The following SCAF8 variants were observed in gnomAD, a reference collection of about 807,000 sequenced individuals.
The protein encoded by SCAF8 is SR-related and CTD-associated factor 8.
Under a neutral mutation model 140.5 loss-of-function variants are expected in SCAF8, and 23 were observed. The observed-to-expected ratio is 0.16, with a 90% CI of 0.12 to 0.23. The LOEUF (loss-of-function observed/expected upper bound fraction) is 0.23, where lower values mean the gene tolerates loss of function less well. Ranked by LOEUF, SCAF8 falls within the 10% of genes least tolerant of loss-of-function variation. The probability of loss-of-function intolerance (pLI) is 1.00; values close to 1 mark genes in which losing one functional copy is unlikely to be tolerated. For synonymous variants in SCAF8, 575 were observed against 528.9 expected (o/e 1.09, Z -1.20); for missense variants, 1,397 against 1,555.7 (o/e 0.90, Z 1.72).
At chr6:154,819,287 A>G (rs1778346577) in intron 14 of SCAF8, among the ~76,000 whole-genome samples, 1 of 152,224 alleles carries the variant, frequency 6.6e-6, no homozygotes, top group East Asian at 1.9e-4. Context: ...GGAATAAAAG[A>G]TTTTTTCTAA....
intron 1 of SCAF8, chr6:154,742,049 C>T (rs1428751302): frequency 6.9e-7 from 1 of 1,448,304 alleles, no homozygotes; most frequent in Admixed American, 2.0e-5. Flanking sequence ...ATAAGGCAGG[C>T]CCTTTGGAAT....
intron 6 of SCAF8, among the ~76,000 whole-genome samples, chr6:154,796,566 G>C (rs1285810187): frequency 2.0e-5 from 3 of 152,086 alleles, no homozygotes; most frequent in Non-Finnish European, 4.4e-5. Flanking sequence ...TTTCAAATTA[G>C]GATTATTGCT....
At chr6:154,795,217 C>A in intron 6 of SCAF8, 78 bp downstream of exon 6, 1 of 1,226,874 alleles carries the variant, frequency 8.2e-7, no homozygotes. Flanking sequence ...AACATACCAC[C>A]TAGAGAATAT....
intron 1 of SCAF8, among the ~76,000 whole-genome samples, chr6:154,772,862 C>T (rs572597153): frequency 3.0e-4 from 45 of 152,202 alleles, no homozygotes; most frequent in African/African-American, 1.0e-3. Flanking sequence ...TGGGTTCAAG[C>T]AGTTCTCCTG....
chr6:154,789,118 A>G (rs911638387), intron 4 of SCAF8, among the ~76,000 whole-genome samples: 2 of 152,048 alleles, frequency 1.3e-5, no homozygotes, highest in South Asian at 4.1e-4. Context: ...AAATTTATTT[A>G]TTTTTTTGAG....
intron 6 of SCAF8, among the ~76,000 whole-genome samples, chr6:154,797,912 T>C (rs1389975325): frequency 1.3e-5 from 2 of 151,512 alleles, no homozygotes; most frequent in Non-Finnish European, 2.9e-5. Context: ...CCTTTTACTT[T>C]ATCATCTACT....
At chr6:154,736,668 C>T (rs1024908436) in intron 1 of SCAF8, among the ~76,000 whole-genome samples, 2 of 152,070 alleles carry the variant, frequency 1.3e-5, no homozygotes, top group South Asian at 2.1e-4. Context: ...ATGTTAATTC[C>T]AGTTTTTCGT....
At chr6:154,807,012 A>G (rs774661329) in intron 9 of SCAF8, among the ~76,000 whole-genome samples, 4 of 152,208 alleles carry the variant, frequency 2.6e-5, no homozygotes, top group Non-Finnish European at 4.4e-5. Flanking sequence ...TATCCAAACA[A>G]CAGATTTGTT....
At chr6:154,736,119 C>T (rs1778410862) in intron 1 of SCAF8, among the ~76,000 whole-genome samples, 1 of 152,042 alleles carries the variant, frequency 6.6e-6, no homozygotes. Flanking sequence ...GCCACCACGC[C>T]TGGGGGATTT....
chr6:154,764,439 C>T (rs745924590), intron 1 of SCAF8, among the ~76,000 whole-genome samples: 3 of 152,048 alleles, frequency 2.0e-5, no homozygotes, highest in Non-Finnish European at 2.9e-5. Flanking sequence ...TAAAGGGTTT[C>T]GTCATTTGAC....
chr6:154,823,604 T>TA (rs1778482353), intron 16 of SCAF8, among the ~76,000 whole-genome samples: 1 of 152,214 alleles, frequency 6.6e-6, no homozygotes, highest in Non-Finnish European at 1.5e-5. Context: ...ATTGGAAAGA[T>TA]AGAGTTACCA....
At chr6:154,751,343 C>T in intron 1 of SCAF8, among the ~76,000 whole-genome samples, 1 of 151,986 alleles carries the variant, frequency 6.6e-6, no homozygotes, top group Non-Finnish European at 1.5e-5. Context: ...ATTGTTCTGC[C>T]TCAAACTCCC....
chr6:154,832,255 T>A lies in SCAF8; in HGVS notation c.2676T>A (p.Asn892Lys). ...LVGVQPPNVPNTPGLLGTQPP... is the reference protein window; with the variant it reads ...LVGVQPPNVPKTPGLLGTQPP... ...GAGTACAGCCACCAAATGTTCCAAA[T>A]ACTCCTGGACTTCTGGGAACACAGC... Residue 892 changes from asparagine to lysine, a missense_variant, in exon 20 of 20, where the codon AAT (asparagine) becomes AAA (lysine). By Grantham distance (94) the Asn-to-Lys change is moderately conservative (BLOSUM62 0). Coordinates refer to ENST00000367178, the MANE Select transcript of SCAF8 (RefSeq NM_014892.5). 1 of 1,614,140 alleles carries A rather than the reference T, an allele frequency of 6.2e-7. No homozygotes were observed. Among genetic ancestry groups the A allele is most frequent in the Non-Finnish European group, 8.5e-7 (1 of 1,180,000 alleles).
In SCAF8 at chr6:154,833,289, A is replaced by G; in HGVS notation, c.3710A>G (p.Tyr1237Cys). The G allele has an allele frequency of 6.2e-7, 1 of 1,614,048 alleles. No individual in the cohort carries two copies. The highest frequency in any genetic ancestry group is 8.5e-7 in the Non-Finnish European group (1 of 1,179,986). The change falls in exon 20 of 20, where the codon TAT becomes TGT. Residue 1237 changes from tyrosine (Y) to cysteine (C), a missense_variant. By Grantham distance (194) the Tyr-to-Cys change is radical. Transcript: ENST00000367178. ...CCAGTACAGAATGATCCTGAACTTT[A>G]TGAAAAACTGACATCTTCAAATGAA... is the stretch of plus-strand genomic sequence containing the variant. ...PIPVQNDPEL[Y>C]EKLTSSNEIN...
At position 154,815,738 on chromosome 6, in the gene SCAF8, T is replaced by C; in HGVS notation, c.1443T>C (p.Val481=). The part of the protein sequence containing the change: ...TLSVCSTTLW[V]GQVDKKATQQ... ...CAGTATGTAGTACTACTCTCTGGGTTGGGCAAGTGGACAAGAAGGCAACAC... is the reference window on the plus strand; with the variant it reads ...CAGTATGTAGTACTACTCTCTGGGTCGGGCAAGTGGACAAGAAGGCAACAC... Residue 481 remains valine, a synonymous_variant, in exon 13 of 20, where the codon GTT becomes GTC. Transcript: ENST00000367178. The C allele has an allele frequency of 6.2e-7, 1 of 1,612,166 alleles. No homozygotes were observed. The highest frequency in any genetic ancestry group is 2.2e-5 in the East Asian group (1 of 44,764).
At chr6:154,738,247 A>G (rs1287129414) in intron 1 of SCAF8, among the ~76,000 whole-genome samples, 1 of 152,064 alleles carries the variant, frequency 6.6e-6, no homozygotes, top group Non-Finnish European at 1.5e-5. Flanking sequence ...TTTAATCTGC[A>G]AACTGTGGAT....
At chr6:154,822,439 T>C in intron 16 of SCAF8, 30 bp downstream of exon 16, 8 of 1,566,448 alleles carry the variant, frequency 5.1e-6, no homozygotes, top group Non-Finnish European at 6.0e-6. Context: ...TTTTTTTTTC[T>C]TGTGTTGTTT....
chr6:154,749,619 C>T (rs1778791259), intron 1 of SCAF8, among the ~76,000 whole-genome samples: 1 of 152,104 alleles, frequency 6.6e-6, no homozygotes, highest in African/African-American at 2.4e-5. Flanking sequence ...AGGGTGGAGG[C>T]ATTGTGTGCA....
intron 1 of SCAF8, among the ~76,000 whole-genome samples, chr6:154,771,630 AT>A (rs1776770749): frequency 2.6e-5 from 4 of 152,326 alleles, no homozygotes; most frequent in Admixed American, 1.3e-4. Context: ...TTTTAAGTGA[AT>A]TAATGCAGGA....
Sources: gnomAD v4.1 joint callset for allele counts (sites outside exome capture counted in the v4.1 genomes callset) on GRCh38, gnomAD v4.1.1 for gene constraint, MANE v1.5 for transcripts, NCBI Gene and HGNC (gene_info 2026-07-23, HGNC 2026-07-21) for gene names.